Variants in SNAP91 observed in about 807,000 individuals in gnomAD.
The protein encoded by SNAP91 is synaptosome associated protein 91, also known as clathrin coat assembly protein AP180.
A neutral mutation model predicts 100.3 loss-of-function variants in SNAP91; 27 were observed. The ratio of observed to expected loss-of-function variants is 0.27; its 90% confidence interval spans 0.20 to 0.37. SNAP91 has a LOEUF of 0.37. SNAP91 is among the 10% of genes least tolerant of loss of function. The probability of loss-of-function intolerance (pLI) is 1.00; values close to 1 mark genes in which losing one functional copy is unlikely to be tolerated. For synonymous variants in SNAP91, 404 were observed against 398.6 expected (o/e 1.01, Z -0.16); for missense variants, 986 against 1,123.7 (o/e 0.88, Z 1.75).
chr6:83,700,311 G>T (rs2099275026), intron 2 of SNAP91, among the ~76,000 whole-genome samples: 1 of 151,978 alleles, frequency 6.6e-6, no homozygotes, highest in Admixed American at 6.6e-5. Context: ...ACAATTAAAA[G>T]GAGGGGGCAA....
In SNAP91 at chr6:83,585,950, A is replaced by C. The variant is rs139247745; in HGVS notation, c.2015-3594T>G. ...ACTGCAATCTCTGCCTCCTGGGTTC[A>C]AGCCATTCTCCTGCCTCAGCCTCCC... On this transcript the variant is annotated intron_variant, in intron 22 of 29. Coordinates refer to ENST00000369694, the MANE Select transcript of SNAP91 (RefSeq NM_001242792.2). Among the ~76,000 whole-genome samples the C allele has an allele frequency of 8.2e-3, 1,233 of 150,908 alleles. 16 individuals carry two copies. Among genetic ancestry groups the C allele is most frequent in the African/African-American group, 0.028 (1,143 of 41,036 alleles).
rs187378127 is a variant in SNAP91, at chr6:83,593,452, G to C, written c.1696+26C>G. The C allele has an allele frequency of 1.2e-5, 19 of 1,547,428 alleles. No homozygotes were observed. The African/African-American group carries it at 1.2e-4, about 10-fold the overall frequency. On this transcript the variant is annotated intron_variant, in intron 18 of 29. Coordinates refer to ENST00000369694, the MANE Select transcript of SNAP91 (RefSeq NM_001242792.2). ...GAATTCAATCCACTAGACGGAAAGA[G>C]GTCGACAACAATAACAAAAAATTAC...
chr6:83,676,453 G>A (rs72905520), intron 2 of SNAP91, among the ~76,000 whole-genome samples: 10,049 of 152,238 alleles, frequency 0.066, 344 homozygotes, highest in African/African-American at 0.083. Flanking sequence ...GAAAGCCAGC[G>A]ATTCAGTCAT....
At chr6:83,612,949 C>T (rs1293418012) in intron 11 of SNAP91, among the ~76,000 whole-genome samples, 1 of 148,800 alleles carries the variant, frequency 6.7e-6, no homozygotes, top group African/African-American at 2.5e-5. Context: ...CAAACTAATA[C>T]CTAAAATATT....
At chr6:83,598,009 T>A (rs906419665) in intron 16 of SNAP91, among the ~76,000 whole-genome samples, 1 of 152,202 alleles carries the variant, frequency 6.6e-6, no homozygotes, top group African/African-American at 2.4e-5. Flanking sequence ...ACTAACCTTA[T>A]GAAGGTTTGC....
In SNAP91 at chr6:83,665,475, T is replaced by C; in HGVS notation, c.237A>G (p.Leu79=). 1 of 1,612,898 alleles carries C rather than the reference T, an allele frequency of 6.2e-7. No homozygotes were observed. Among genetic ancestry groups the C allele is most frequent in the Non-Finnish European group, 8.5e-7 (1 of 1,179,224 alleles). ...NSSWVVVFKA[L]VTTHHLMVHG... is the part of the protein sequence containing the mutation. ...GCACCATGAGATGATGTGTTGTCACTAAAGCCTTAAACACAACCACCCAGC... is the reference window on the plus strand; with the variant it reads ...GCACCATGAGATGATGTGTTGTCACCAAAGCCTTAAACACAACCACCCAGC... Residue 79 remains leucine (L), a synonymous_variant, in exon 3 of 30, where the codon TTA becomes TTG. Coordinates refer to ENST00000369694, the MANE Select transcript of SNAP91 (RefSeq NM_001242792.2).
intron 8 of SNAP91, among the ~76,000 whole-genome samples, chr6:83,626,424 A>G (rs1333949178): frequency 6.6e-6 from 1 of 152,126 alleles, no homozygotes; most frequent in Non-Finnish European, 1.5e-5. Context: ...TAGACATAGC[A>G]TTGAATCTAC....
intron 7 of SNAP91, among the ~76,000 whole-genome samples, chr6:83,653,103 C>A (rs1382324701): frequency 1.3e-5 from 2 of 152,100 alleles, no homozygotes; most frequent in Admixed American, 1.3e-4. Context: ...GTTCTCTGAG[C>A]TTCCTGGATA....
At chr6:83,655,471 T>C (rs2098376867) in intron 7 of SNAP91, among the ~76,000 whole-genome samples, 1 of 152,200 alleles carries the variant, frequency 6.6e-6, no homozygotes, top group African/African-American at 2.4e-5. Flanking sequence ...GTACCTCTGG[T>C]ACACTCCAAT....
At chr6:83,704,684 A>G (rs1373067653) in intron 2 of SNAP91, among the ~76,000 whole-genome samples, 2 of 145,660 alleles carry the variant, frequency 1.4e-5, no homozygotes, top group Non-Finnish European at 3.1e-5. Flanking sequence ...CAATTAATCC[A>G]ATACCTTTAA....
Position 83,560,076 on chromosome 6 carries a change from C to T in SNAP91, c.2631+28G>A, listed in dbSNP as rs372022921. The T allele has an allele frequency of 3.9e-6, 6 of 1,555,482 alleles. No individual in the cohort carries two copies. In the African/African-American group the frequency reaches 6.8e-5, roughly 18 times the overall value. On this transcript the variant is annotated intron_variant, in intron 28 of 29. Transcript: ENST00000369694. ...GTTTTACACTTATTAGTTAATGTCACTGATTTGTGGACATTGAAGAAACTG... is the reference window on the plus strand; with the variant it reads ...GTTTTACACTTATTAGTTAATGTCATTGATTTGTGGACATTGAAGAAACTG...
chr6:83,656,722 C>T (rs2098414973), intron 7 of SNAP91, 32 bp downstream of exon 7: 1 of 990,214 alleles, frequency 1.0e-6, no homozygotes, highest in East Asian at 2.5e-5. Context: ...TGTATCCCAT[C>T]AGCCCAGACA....
Position 83,568,476 on chromosome 6 carries a change from TATAATAATA to T in SNAP91, c.2442+6525_2442+6533del, listed in dbSNP as rs56267925. 3.1e-3 allele frequency among the ~76,000 whole-genome samples: 455 copies of T among 147,278 alleles called. 5 individuals carry two copies. Among genetic ancestry groups the T allele is most frequent in the Admixed American group, 4.7e-3 (69 of 14,776 alleles). On this transcript the variant is annotated intron_variant, in intron 26 of 29. Coordinates refer to ENST00000369694, the MANE Select transcript of SNAP91 (RefSeq NM_001242792.2). The stretch of plus-strand genomic sequence containing the variant: ...AACCTGCACGTTGTGCACATTAAAG[TATAATAATA>T]ATAATAATAATAATAATAATAATAA...
chr6:83,568,515 A>G (rs1800946352), intron 26 of SNAP91, among the ~76,000 whole-genome samples: 1 of 151,254 alleles, frequency 6.6e-6, no homozygotes, highest in Admixed American at 6.6e-5. Context: ...TAATAACTTA[A>G]TAGGTCTGCT....
chr6:83,570,961 C>T (rs1806393291), intron 26 of SNAP91, among the ~76,000 whole-genome samples: 1 of 152,058 alleles, frequency 6.6e-6, no homozygotes, highest in Non-Finnish European at 1.5e-5. Context: ...TCCTCCAGAC[C>T]CCAGAGTGGT....
At chr6:83,610,755 A>G (rs996079028) in intron 11 of SNAP91, 78 bp from the exon 12 acceptor site, 23 of 227,262 alleles carry the variant, frequency 1.0e-4, no homozygotes, top group Non-Finnish European at 1.3e-4. Context: ...ATAAATATAT[A>G]TGTGAATATA....
rs6912747 is a variant in SNAP91, at chr6:83,582,313, A to C, written c.2058T>G (p.Thr686=). 1.5e-3 allele frequency: 2,376 copies of C among 1,613,702 alleles called. 23 individuals are homozygous for C. The African/African-American group carries it at 0.028, about 19-fold the overall frequency. ...GCTGTAGCAGGTTATTCTGAGCTGG[A>C]GTCACTGGAGATGGGGAAGGCGCCA... The part of the protein sequence containing the change: ...SFMAPSPSPV[T]PAQNNLLQPN... Residue 686 remains threonine, a synonymous_variant, in exon 23 of 30, where the codon ACT becomes ACG. Transcript: ENST00000369694.
At chr6:83,567,562 C>A (rs902626476) in intron 26 of SNAP91, among the ~76,000 whole-genome samples, 2 of 152,190 alleles carry the variant, frequency 1.3e-5, no homozygotes, top group African/African-American at 4.8e-5. Context: ...AGTGAACAGG[C>A]AACCTACAGA....
chr6:83,598,609 T>C (rs919484808), intron 16 of SNAP91, among the ~76,000 whole-genome samples: 85 of 152,168 alleles, frequency 5.6e-4, no homozygotes, highest in Admixed American at 2.0e-4. Flanking sequence ...CAAAAAGGCA[T>C]GTTTTAAAGT....
Sources: gnomAD v4.1 joint callset for allele counts (sites outside exome capture counted in the v4.1 genomes callset) on GRCh38, gnomAD v4.1.1 for gene constraint, MANE v1.5 for transcripts, NCBI Gene and HGNC (gene_info 2026-07-23, HGNC 2026-07-21) for gene names.